GSE1: variants seen among roughly 807,000 people sequenced by gnomAD.
The protein encoded by GSE1 is Gse1 coiled-coil protein, also known as genetic suppressor element 1.
In GSE1, 32 loss-of-function variants were observed where a neutral mutation model predicts 112.6. The observed-to-expected ratio is 0.28, with a 90% CI of 0.21 to 0.38. The LOEUF (loss-of-function observed/expected upper bound fraction) is 0.38, where lower values mean the gene tolerates loss of function less well. Ranked by LOEUF, GSE1 falls within the 10% of genes least tolerant of loss-of-function variation. GSE1 has a pLI of 1.00. For synonymous variants in GSE1, 1,115 were observed against 735.6 expected (o/e 1.52, Z -8.35); for missense variants, 2,348 against 1,699.2 (o/e 1.38, Z -6.71).
At chr16:85,440,596 A>C (rs2049352079) in intron 2 of GSE1, among the ~76,000 whole-genome samples, 1 of 152,244 alleles carries the variant, frequency 6.6e-6, no homozygotes, top group African/African-American at 2.4e-5. Flanking sequence ...GCCAAGGGCC[A>C]CACCAGATTC....
At chr16:85,538,451 A>G (rs1434301636) in intron 2 of GSE1, among the ~76,000 whole-genome samples, 2 of 152,074 alleles carry the variant, frequency 1.3e-5, no homozygotes, top group African/African-American at 2.4e-5. Flanking sequence ...AAATACACAA[A>G]TTCCCTTCAG....
rs551730392 is a variant in GSE1 at position 85,636,647 on chromosome 16, G to A, written c.226+2515G>A. 9.2e-5 allele frequency among the ~76,000 whole-genome samples: 14 copies of A among 151,630 alleles called. No homozygotes were observed. In the East Asian group the frequency reaches 2.4e-3, roughly 26 times the overall value. On this transcript the variant is annotated intron_variant, in intron 2 of 15. Transcript: ENST00000253458. The stretch of plus-strand genomic sequence containing the variant: ...CAAGTCGCAAGACGGCAGCCACAGC[G>A]GGTGGGGTCGTGTCCGTGTCCCACT...
At chr16:85,389,914 C>A (rs556126197) in intron 2 of GSE1, among the ~76,000 whole-genome samples, 2 of 152,168 alleles carry the variant, frequency 1.3e-5, no homozygotes, top group Non-Finnish European at 2.9e-5. Flanking sequence ...GGCAATGAGG[C>A]CTTACACAGA....
rs187477449 is a variant in GSE1, at chr16:85,572,040, C to T, written c.37+15677C>T. 2.6e-4 allele frequency among the ~76,000 whole-genome samples: 40 copies of T among 151,518 alleles called. 1 individual carries two copies. The highest frequency in any genetic ancestry group is 9.5e-4 in the African/African-American group (39 of 41,238). ...GTAGAACACATAGCACACACACACACGTACAACACATACCACACACCATAC... is the reference window on the plus strand; with the variant it reads ...GTAGAACACATAGCACACACACACATGTACAACACATACCACACACCATAC... On this transcript the variant is annotated intron_variant, in intron 1 of 2. Coordinates refer to the GSE1 transcript ENST00000635906.
intron 1 of GSE1, among the ~76,000 whole-genome samples, chr16:85,280,235 C>T (rs559597460): frequency 4.6e-5 from 7 of 152,250 alleles, no homozygotes; most frequent in Admixed American, 1.3e-4. Context: ...AAAGTACACC[C>T]GGCCCCTGCT....
Position 85,340,660 on chromosome 16 carries a change from A to G in GSE1, c.2284-16803A>G, listed in dbSNP as rs568155847. On this transcript the variant is annotated intron_variant, in intron 1 of 2. Transcript: ENST00000637419. ...TGTCCCAAAAACAAACAAAGAAAAA[A>G]CATCTTCACGTGAGCTGTTCGGGAC... 5.9e-4 allele frequency among the ~76,000 whole-genome samples: 90 copies of G among 152,256 alleles called. 1 individual carries two copies. The South Asian group carries it at 0.017, about 29-fold the overall frequency.
intron 2 of GSE1, among the ~76,000 whole-genome samples, chr16:85,646,582 C>T (rs2050886802): frequency 6.6e-6 from 1 of 152,176 alleles, no homozygotes; most frequent in Non-Finnish European, 1.5e-5. Flanking sequence ...GTGTGTGCCT[C>T]TTGGGGGCGG....
At chr16:85,471,227 G>A (rs1309383752) in intron 2 of GSE1, among the ~76,000 whole-genome samples, 2 of 152,210 alleles carry the variant, frequency 1.3e-5, no homozygotes, top group Admixed American at 1.3e-4. Context: ...TCTGGTGGGG[G>A]CAGGTCCCCA....
chr16:85,304,378 A>G (rs2045609246), intron 1 of GSE1, among the ~76,000 whole-genome samples: 1 of 152,122 alleles, frequency 6.6e-6, no homozygotes, highest in Non-Finnish European at 1.5e-5. Context: ...GCTCTCTAGC[A>G]GAGGGGCTGG....
intron 1 of GSE1, among the ~76,000 whole-genome samples, chr16:85,614,016 G>A (rs1407819854): frequency 6.6e-6 from 1 of 151,818 alleles, no homozygotes; most frequent in Non-Finnish European, 1.5e-5. Context: ...CCCGAGGAAG[G>A]GCGCGCCCCG....
chr16:85,256,209 G>C (rs541760875), intron 1 of GSE1, among the ~76,000 whole-genome samples: 4 of 152,276 alleles, frequency 2.6e-5, no homozygotes, highest in South Asian at 2.1e-4. Flanking sequence ...ACAGCACCGG[G>C]GGGTGGAGGG....
At chr16:85,275,856 A>C (rs1222865025) in intron 1 of GSE1, among the ~76,000 whole-genome samples, 2 of 152,208 alleles carry the variant, frequency 1.3e-5, no homozygotes, top group African/African-American at 4.8e-5. Context: ...TGATGGAGGA[A>C]GCCCTCCCTG....
At chr16:85,272,146 C>T (rs991452213) in intron 1 of GSE1, among the ~76,000 whole-genome samples, 8 of 152,220 alleles carry the variant, frequency 5.3e-5, no homozygotes, top group African/African-American at 1.9e-4. Flanking sequence ...CACACGCAGG[C>T]CCGAGGAAGC....
At chr16:85,529,244 G>A (rs559492736) in intron 2 of GSE1, among the ~76,000 whole-genome samples, 5 of 152,320 alleles carry the variant, frequency 3.3e-5, no homozygotes, top group South Asian at 2.1e-4. Context: ...CTGTGCCATC[G>A]GTGTGTGGCC....
At chr16:85,368,431 A>C (rs2047230884) in intron 2 of GSE1, among the ~76,000 whole-genome samples, 1 of 152,256 alleles carries the variant, frequency 6.6e-6, no homozygotes, top group Non-Finnish European at 1.5e-5. Flanking sequence ...CTGACCAGGC[A>C]CGGTGGCTCC....
chr16:85,669,734 TG>T (rs1380958004), intron 14 of GSE1, among the ~76,000 whole-genome samples: 1 of 152,242 alleles, frequency 6.6e-6, no homozygotes, highest in African/African-American at 2.4e-5. Context: ...TCTGTGAGTT[TG>T]GCTTTTTCCT....
chr16:85,356,038 A>C (rs1355867158), intron 1 of GSE1, among the ~76,000 whole-genome samples: 1 of 152,174 alleles, frequency 6.6e-6, no homozygotes, highest in Non-Finnish European at 1.5e-5. Context: ...AAATAAAATA[A>C]AAAATAAAGA....
At chr16:85,639,451 C>T (rs1008269658) in intron 2 of GSE1, among the ~76,000 whole-genome samples, 1 of 152,194 alleles carries the variant, frequency 6.6e-6, no homozygotes, top group Non-Finnish European at 1.5e-5. Context: ...CTGTGTCCCA[C>T]CCCCTGCGCT....
intron 2 of GSE1, among the ~76,000 whole-genome samples, chr16:85,485,028 C>G (rs572394528): frequency 6.6e-6 from 1 of 152,214 alleles, no homozygotes; most frequent in African/African-American, 2.4e-5. Context: ...CCCTGGGGAC[C>G]CAACAGTGAT....
Sources: allele counts gnomAD v4.1 joint callset (sites outside exome capture counted in the v4.1 genomes callset), GRCh38; gene constraint gnomAD v4.1.1; transcripts MANE v1.5; gene names NCBI Gene and HGNC (gene_info 2026-07-23, HGNC 2026-07-21).